The following STK39 variants were observed in gnomAD, a reference collection of about 807,000 sequenced individuals.
STK39 encodes STE20/SPS1-related proline-alanine-rich protein kinase.
Under a neutral mutation model 77.8 loss-of-function variants are expected in STK39, and 20 were observed. The ratio of observed to expected loss-of-function variants is 0.26; its 90% CI spans 0.18 to 0.37. The LOEUF (loss-of-function observed/expected upper bound fraction) is 0.37, where lower values mean the gene tolerates loss of function less well. Ranked by LOEUF, STK39 falls within the 10% of genes least tolerant of loss-of-function variation. STK39 has a pLI of 1.00. For synonymous variants in STK39, 246 were observed against 234.1 expected (o/e 1.05, Z -0.47); for missense variants, 479 against 656.5 (o/e 0.73, Z 2.95).
At chr2:168,171,373 T>C (rs1688819137) in intron 2 of STK39, among the ~76,000 whole-genome samples, 1 of 150,980 alleles carries the variant, frequency 6.6e-6, no homozygotes, top group South Asian at 2.1e-4. Flanking sequence ...ATGCTAGGTG[T>C]GGTGAGGAAT....
intron 2 of STK39, among the ~76,000 whole-genome samples, chr2:168,177,049 G>A (rs1430287036): frequency 1.3e-5 from 2 of 152,160 alleles, no homozygotes; most frequent in South Asian, 2.1e-4. Context: ...GAGCAGTTCT[G>A]TAGGGGAGTC....
At position 168,075,183 on chromosome 2, in the gene STK39, C is replaced by T. The variant is rs1362104547; in HGVS notation, c.1138G>A (p.Gly380Arg). ...TCGTCGTCACTCCACTCCCAGTCCC[C>T]GTCTTCGGTTTTATGAAGGTGACCA... ...SSGHLHKTED[G>R]DWEWSDDEMD... The change falls in exon 11 of 18, where the codon GGG becomes AGG. Residue 380 changes from glycine (G) to arginine (R), a missense_variant. This residue lies in a region of STK39 where 244 missense variants were observed against 296.8 expected (regional missense o/e 0.82). Transcript: ENST00000355999. 3.1e-6 allele frequency: 5 copies of T among 1,614,142 alleles called. No homozygotes were observed. The highest frequency in any genetic ancestry group is 1.6e-4 in the Middle Eastern group (1 of 6,062).
intron 10 of STK39, among the ~76,000 whole-genome samples, chr2:168,104,930 A>G (rs1172354062): frequency 6.6e-6 from 1 of 152,248 alleles, no homozygotes; most frequent in Non-Finnish European, 1.5e-5. Flanking sequence ...AAATTATAGT[A>G]TATCCTACCC....
At chr2:167,956,578 A>G (rs1204050979) in intron 17 of STK39, among the ~76,000 whole-genome samples, 1 of 150,318 alleles carries the variant, frequency 6.7e-6, no homozygotes, top group African/African-American at 2.5e-5. Flanking sequence ...AAAAAAAAAA[A>G]GGAAGCCATT....
At chr2:168,144,444 C>T (rs964607506) in intron 5 of STK39, among the ~76,000 whole-genome samples, 1 of 151,818 alleles carries the variant, frequency 6.6e-6, no homozygotes, top group Non-Finnish European at 1.5e-5. Context: ...GCTATGACTA[C>T]AGGCATGTGC....
chr2:168,101,222 G>A (rs1686815468), intron 10 of STK39, among the ~76,000 whole-genome samples: 1 of 152,148 alleles, frequency 6.6e-6, no homozygotes, highest in Non-Finnish European at 1.5e-5. Flanking sequence ...TAGGGGCAAG[G>A]GGAGGGATAG....
chr2:168,083,678 C>T (rs1171452396), intron 10 of STK39, among the ~76,000 whole-genome samples: 1 of 151,988 alleles, frequency 6.6e-6, no homozygotes, highest in African/African-American at 2.4e-5. Context: ...TTAGCACATT[C>T]TACTGACTCA....
At chr2:168,066,956 A>C (rs1168014193) in intron 12 of STK39, among the ~76,000 whole-genome samples, 1 of 152,262 alleles carries the variant, frequency 6.6e-6, no homozygotes, top group Non-Finnish European at 1.5e-5. Flanking sequence ...ACGGTGGCTC[A>C]TGCCTCTAAT....
At chr2:167,982,831 AG>A (rs1319233319) in intron 16 of STK39, among the ~76,000 whole-genome samples, 2 of 152,194 alleles carry the variant, frequency 1.3e-5, no homozygotes, top group African/African-American at 4.8e-5. Flanking sequence ...AAGTTATAAA[AG>A]CTTCTCTTCA....
At chr2:168,245,501 G>A (rs1449993246) in intron 1 of STK39, among the ~76,000 whole-genome samples, 4 of 152,152 alleles carry the variant, frequency 2.6e-5, no homozygotes, top group Admixed American at 2.0e-4. Flanking sequence ...AAGAAACCAC[G>A]GCATTTTGCC....
chr2:168,100,699 AC>A (rs1172775466), intron 10 of STK39, among the ~76,000 whole-genome samples: 5 of 152,242 alleles, frequency 3.3e-5, no homozygotes, highest in East Asian at 1.9e-4. Context: ...TCCAGAATCT[AC>A]AAAAAACTTA....
At chr2:168,068,050 A>G (rs143705379) in intron 12 of STK39, among the ~76,000 whole-genome samples, 3,126 of 152,274 alleles carry the variant, frequency 0.021, 112 homozygotes, top group African/African-American at 0.072. Flanking sequence ...TTATAAAACC[A>G]TCAGATCTCA....
chr2:168,086,232 A>G (rs1686363256), intron 10 of STK39, among the ~76,000 whole-genome samples: 1 of 152,018 alleles, frequency 6.6e-6, no homozygotes, highest in South Asian at 2.1e-4. Flanking sequence ...AGCCCTTGTC[A>G]TACCAGATAA....
At chr2:168,025,737 GGAA>G (rs1316362025) in intron 14 of STK39, among the ~76,000 whole-genome samples, 2 of 152,190 alleles carry the variant, frequency 1.3e-5, no homozygotes, top group Non-Finnish European at 2.9e-5. Context: ...ATACACAGAA[GGAA>G]CCTACAAATG....
At chr2:168,130,055 G>C (rs773599490) in intron 8 of STK39, among the ~76,000 whole-genome samples, 7 of 152,178 alleles carry the variant, frequency 4.6e-5, no homozygotes, top group Middle Eastern at 3.4e-3. Context: ...TTCTAAAAGG[G>C]GGCAGACTGA....
chr2:168,224,873 T>G (rs1690265974), intron 1 of STK39, among the ~76,000 whole-genome samples: 1 of 152,202 alleles, frequency 6.6e-6, no homozygotes. Flanking sequence ...CAAAACAGCC[T>G]TTTGGTAAAC....
At chr2:168,013,734 A>G (rs1440166334) in intron 15 of STK39, among the ~76,000 whole-genome samples, 1 of 152,092 alleles carries the variant, frequency 6.6e-6, no homozygotes, top group East Asian at 1.9e-4. Flanking sequence ...TGCCCTAACC[A>G]TAAACTGCAT....
intron 14 of STK39, among the ~76,000 whole-genome samples, chr2:168,039,776 T>A (rs186498723): frequency 3.3e-5 from 5 of 152,294 alleles, no homozygotes; most frequent in Admixed American, 1.3e-4. Flanking sequence ...TCAAACATAC[T>A]GTACTAAGTG....
At chr2:167,996,464 A>G (rs1683840652) in intron 16 of STK39, among the ~76,000 whole-genome samples, 1 of 152,238 alleles carries the variant, frequency 6.6e-6, no homozygotes, top group African/African-American at 2.4e-5. Flanking sequence ...TGGCAGGGGC[A>G]GCCATGGGGC....
Sources: gnomAD v4.1 joint callset for allele counts (sites outside exome capture counted in the v4.1 genomes callset) on GRCh38, gnomAD v4.1.1 for gene constraint, gnomAD v4.1.1 regional missense constraint, MANE v1.5 for transcripts, NCBI Gene and HGNC (gene_info 2026-07-23, HGNC 2026-07-21) for gene names.